LAMA2: variants seen among roughly 807,000 people sequenced by gnomAD.
LAMA2 encodes the protein laminin subunit alpha-2.
A neutral mutation model predicts 364.8 loss-of-function variants in LAMA2; 269 were observed. The observed-to-expected ratio is 0.74, with a 90% CI of 0.67 to 0.82. The LOEUF is 0.82. Ranked by LOEUF, LAMA2 falls within the 40% of genes least tolerant of loss-of-function variation. The pLI is 0.00. For missense variants in LAMA2, 3,807 were observed against 3,873.2 expected (o/e 0.98, Z 0.45); for synonymous variants, 1,379 against 1,370.6 (o/e 1.01, Z -0.14).
intron 12 of LAMA2, 149 bp from the exon 13 acceptor site, chr6:129,249,962 GC>G (rs1208093648): frequency 3.0e-6 from 2 of 677,014 alleles, no homozygotes; most frequent in African/African-American, 3.6e-5. Flanking sequence ...CTAAATAAAT[GC>G]CTATCATTCC....
chr6:129,123,854 T>C (rs1776953896), intron 4 of LAMA2, among the ~76,000 whole-genome samples: 1 of 152,152 alleles, frequency 6.6e-6, no homozygotes, highest in African/African-American at 2.4e-5. Context: ...TATCGTATGC[T>C]TGAAATTTTC....
chr6:129,356,953 C>G (rs1777184095), intron 32 of LAMA2, among the ~76,000 whole-genome samples: 1 of 151,986 alleles, frequency 6.6e-6, no homozygotes, highest in Non-Finnish European at 1.5e-5. Flanking sequence ...AACTTCACAG[C>G]CTCTTTTTTT....
intron 29 of LAMA2, 44 bp from the exon 30 acceptor site, chr6:129,342,299 A>G: frequency 6.4e-7 from 1 of 1,570,612 alleles, no homozygotes; most frequent in South Asian, 1.1e-5. Context: ...CATTCTAACT[A>G]TCACTAAATT....
chr6:129,385,765 A>G (rs1221894295), intron 35 of LAMA2, among the ~76,000 whole-genome samples: 2 of 152,186 alleles, frequency 1.3e-5, no homozygotes, highest in African/African-American at 2.4e-5. Context: ...TTATTTCCTG[A>G]CATACAATAG....
intron 1 of LAMA2, among the ~76,000 whole-genome samples, chr6:129,034,289 G>A (rs1363151405): frequency 9.2e-5 from 14 of 152,060 alleles, no homozygotes; most frequent in Non-Finnish European, 1.9e-4. Flanking sequence ...AATTTATTAA[G>A]CATGAAGTGA....
At chr6:129,248,696 A>G (rs1378422346) in intron 12 of LAMA2, among the ~76,000 whole-genome samples, 1 of 152,236 alleles carries the variant, frequency 6.6e-6, no homozygotes, top group Non-Finnish European at 1.5e-5. Flanking sequence ...AATTCTAAAT[A>G]GTTCAGTCCT....
At chr6:129,158,739 T>C (rs1173364725) in intron 8 of LAMA2, 1 of 1,614,068 alleles carries the variant, frequency 6.2e-7, no homozygotes, top group African/African-American at 1.3e-5. Flanking sequence ...TTACATAAAT[T>C]GGTCCGACAA....
At chr6:128,918,921 C>T (rs564009957) in intron 1 of LAMA2, among the ~76,000 whole-genome samples, 1 of 152,208 alleles carries the variant, frequency 6.6e-6, no homozygotes, top group African/African-American at 2.4e-5. Context: ...GGGAGGTGTG[C>T]ATTTTGGATC....
At chr6:129,173,464 A>G (rs780721343) in intron 9 of LAMA2, among the ~76,000 whole-genome samples, 11 of 152,310 alleles carry the variant, frequency 7.2e-5, no homozygotes, top group Non-Finnish European at 1.3e-4. Flanking sequence ...ACTATATAAG[A>G]TGTGATAAAG....
intron 34 of LAMA2, among the ~76,000 whole-genome samples, chr6:129,372,452 C>A (rs1264214449): frequency 1.3e-5 from 2 of 152,120 alleles, no homozygotes; most frequent in African/African-American, 4.8e-5. Flanking sequence ...CTTAAGGTTT[C>A]TCCATATTTT....
At chr6:129,087,416 C>T (rs1471468536) in intron 3 of LAMA2, among the ~76,000 whole-genome samples, 4 of 152,236 alleles carry the variant, frequency 2.6e-5, no homozygotes, top group South Asian at 2.1e-4. Flanking sequence ...ACAGCAGGGG[C>T]GCACATACAG....
At chr6:129,180,725 T>G (rs1305486972) in intron 10 of LAMA2, among the ~76,000 whole-genome samples, 1 of 152,096 alleles carries the variant, frequency 6.6e-6, no homozygotes, top group Admixed American at 6.6e-5. Flanking sequence ...AATAGATTTA[T>G]AAACATTTAG....
chr6:129,073,731 A>T (rs1027856005), intron 3 of LAMA2, among the ~76,000 whole-genome samples: 1 of 152,100 alleles, frequency 6.6e-6, no homozygotes, highest in Non-Finnish European at 1.5e-5. Flanking sequence ...TTGATACTTT[A>T]AAAAAATTAG....
In LAMA2 at chr6:129,313,042, A is replaced by G. The variant is rs1203181202; in HGVS notation, c.3356A>G (p.Asp1119Gly). The G allele has an allele frequency of 6.2e-7, 1 of 1,614,000 alleles. No individual in the cohort carries two copies. The highest frequency in any genetic ancestry group is 8.5e-7 in the Non-Finnish European group (1 of 1,179,944). Residue 1119 changes from aspartate (D) to glycine (G), a missense_variant, in exon 23 of 65, where the codon GAT becomes GGT. Around this residue, in one of 3 missense-constraint regions of LAMA2, gnomAD observed 3,333 missense variants for 3,345.7 expected, o/e 1.00. Coordinates refer to ENST00000421865, the MANE Select transcript of LAMA2 (RefSeq NM_000426.4). ...FLPGTDATTC[D>G]SETKKCSCSD... ...CCTGGGACAGATGCCACAACCTGTG[A>G]TTCAGAGACTAAAAAATGCTCCTGT...
intron 8 of LAMA2, chr6:129,157,462 C>T: frequency 6.3e-7 from 1 of 1,585,278 alleles, no homozygotes; most frequent in Non-Finnish European, 8.7e-7. Flanking sequence ...TCTAATTCCA[C>T]CCATGCCATG....
intron 1 of LAMA2, among the ~76,000 whole-genome samples, chr6:128,991,587 T>G (rs2114661126): frequency 6.6e-6 from 1 of 152,344 alleles, no homozygotes; most frequent in East Asian, 1.9e-4. Flanking sequence ...AAAAGCATTA[T>G]TTTAAAGAAA....
rs1468517203 is a variant in LAMA2 at position 129,413,817 on chromosome 6, G to A, written c.5865+9858G>A. On this transcript the variant is annotated intron_variant, in intron 40 of 64. Coordinates refer to ENST00000421865, the MANE Select transcript of LAMA2 (RefSeq NM_000426.4). The stretch of plus-strand genomic sequence containing the variant: ...GAATGCAGATATTAGGCAAGGGTAA[G>A]AACTGATACTAATTATCTAAGGTTT... Among the ~76,000 whole-genome samples the A allele has an allele frequency of 2.0e-5, 3 of 152,198 alleles. No individual in the cohort carries two copies. The East Asian group carries it at 5.8e-4, about 29-fold the overall frequency.
chr6:129,335,354 AG>A (rs1775892084), intron 29 of LAMA2, among the ~76,000 whole-genome samples: 1 of 137,222 alleles, frequency 7.3e-6, no homozygotes, highest in Non-Finnish European at 1.6e-5. Context: ...GGTAGTAAGT[AG>A]GTAGATAGAT....
chr6:128,910,963 A>G (rs1156316442), intron 1 of LAMA2, among the ~76,000 whole-genome samples: 1 of 151,326 alleles, frequency 6.6e-6, no homozygotes, highest in East Asian at 1.9e-4. Flanking sequence ...GTCAGGGGTC[A>G]GGGACCCACT....
Sources: allele counts gnomAD v4.1 joint callset (sites outside exome capture counted in the v4.1 genomes callset), GRCh38; gene constraint gnomAD v4.1.1; regional missense constraint gnomAD v4.1.1; transcripts MANE v1.5; gene names NCBI Gene and HGNC (gene_info 2026-07-23, HGNC 2026-07-21).